Variants in FER observed in about 807,000 individuals in gnomAD.
FER encodes tyrosine-protein kinase Fer.
A neutral mutation model predicts 111.0 loss-of-function variants in FER; 63 were observed. The ratio of observed to expected loss-of-function variants is 0.57; its 90% CI spans 0.46 to 0.70. The LOEUF is 0.70. FER is among the 30% of genes least tolerant of loss of function. The probability of loss-of-function intolerance (pLI) is 0.00; values close to 1 mark genes in which losing one functional copy is unlikely to be tolerated. For synonymous variants in FER, 327 were observed against 313.9 expected (o/e 1.04, Z -0.44); for missense variants, 914 against 954.0 (o/e 0.96, Z 0.55).
chr5:109,075,780 G>A (rs534648457), intron 16 of FER, among the ~76,000 whole-genome samples: 31 of 152,076 alleles, frequency 2.0e-4, no homozygotes, highest in South Asian at 8.3e-4. Context: ...GAAATTAATC[G>A]TGGTTGGAAG....
chr5:109,182,242 AGATAAAGCTTTTGAATGT>A (rs1758363239), intron 18 of FER, among the ~76,000 whole-genome samples: 1 of 152,228 alleles, frequency 6.6e-6, no homozygotes, highest in East Asian at 1.9e-4. Flanking sequence ...AATGTTTTCC[AGATAAAGCTTTTGAATGT>A]AATTGGTTTG....
At chr5:109,129,079 A>G (rs952939539) in intron 17 of FER, among the ~76,000 whole-genome samples, 6 of 152,086 alleles carry the variant, frequency 3.9e-5, no homozygotes, top group Non-Finnish European at 8.8e-5. Flanking sequence ...GATATTTTAA[A>G]TCAGTGGATT....
At chr5:109,001,224 A>G (rs896568375) in intron 13 of FER, among the ~76,000 whole-genome samples, 1 of 152,242 alleles carries the variant, frequency 6.6e-6, no homozygotes, top group Admixed American at 6.5e-5. Context: ...ATTTGATGGG[A>G]AAATTCTCAA....
intron 2 of FER, among the ~76,000 whole-genome samples, chr5:108,797,584 C>T (rs998486180): frequency 6.6e-5 from 10 of 152,214 alleles, no homozygotes; most frequent in African/African-American, 9.6e-5. Flanking sequence ...ATACTCTGTG[C>T]ACCATGTGGC....
chr5:109,028,330 CAA>C (rs892441040), intron 13 of FER, among the ~76,000 whole-genome samples: 4 of 152,070 alleles, frequency 2.6e-5, no homozygotes, highest in African/African-American at 4.8e-5. Flanking sequence ...TAATTTCAAA[CAA>C]AGTATGTAAA....
At chr5:108,908,181 A>C (rs1030721071) in intron 10 of FER, among the ~76,000 whole-genome samples, 2 of 152,218 alleles carry the variant, frequency 1.3e-5, no homozygotes, top group South Asian at 4.1e-4. Flanking sequence ...GATGTAGCTT[A>C]ATGCGGATAT....
intron 10 of FER, among the ~76,000 whole-genome samples, chr5:108,941,149 C>T (rs2149610009): frequency 6.6e-6 from 1 of 152,228 alleles, no homozygotes; most frequent in East Asian, 1.9e-4. Context: ...CTCATCATGG[C>T]TCAGCTTTAT....
At chr5:108,771,692 C>T (rs1752918388) in intron 2 of FER, among the ~76,000 whole-genome samples, 1 of 152,200 alleles carries the variant, frequency 6.6e-6, no homozygotes, top group Admixed American at 6.5e-5. Context: ...CCTGGACTCA[C>T]TGTTAACATT....
chr5:108,831,193 T>C (rs1175047434), intron 3 of FER, among the ~76,000 whole-genome samples: 1 of 152,192 alleles, frequency 6.6e-6, no homozygotes, highest in African/African-American at 2.4e-5. Flanking sequence ...CAAAAAGTTA[T>C]TGCTACAAAG....
intron 13 of FER, among the ~76,000 whole-genome samples, chr5:109,008,733 C>T (rs1457628200): frequency 6.6e-6 from 1 of 152,298 alleles, no homozygotes; most frequent in African/African-American, 2.4e-5. Context: ...GTAATCCCAG[C>T]CTTTTGGGAG....
chr5:108,976,735 A>G (rs572375413), intron 13 of FER, among the ~76,000 whole-genome samples: 2 of 152,340 alleles, frequency 1.3e-5, no homozygotes, highest in East Asian at 3.9e-4. Context: ...AAGAGATACT[A>G]CATTTATAGT....
intron 5 of FER, among the ~76,000 whole-genome samples, chr5:108,848,429 A>T (rs1478445236): frequency 6.6e-6 from 1 of 152,022 alleles, no homozygotes; most frequent in East Asian, 1.9e-4. Context: ...TCTCTGGATT[A>T]ATTGAACATT....
chr5:108,815,769 T>C (rs1193046028), intron 3 of FER, among the ~76,000 whole-genome samples: 1 of 152,108 alleles, frequency 6.6e-6, no homozygotes, highest in Non-Finnish European at 1.5e-5. Context: ...TAATGAAAAA[T>C]GCTTTTTGAT....
chr5:109,004,301 C>T (rs535209038), intron 13 of FER, among the ~76,000 whole-genome samples: 12 of 152,286 alleles, frequency 7.9e-5, no homozygotes, highest in Non-Finnish European at 1.5e-4. Context: ...TCAGAGATAA[C>T]ATTTCCCTAA....
chr5:109,077,290 T>C (rs749970837), intron 16 of FER, among the ~76,000 whole-genome samples: 2 of 152,338 alleles, frequency 1.3e-5, no homozygotes, highest in South Asian at 2.1e-4. Context: ...AATGAAACTT[T>C]CTTAGATTTT....
chr5:109,070,151 C>CCT (rs1561855732), intron 16 of FER, among the ~76,000 whole-genome samples: 1 of 150,982 alleles, frequency 6.6e-6, no homozygotes, highest in African/African-American at 2.4e-5. Context: ...TTTTCATCTC[C>CCT]GCAACCATAT....
chr5:108,982,052 AGCGCAG>A (rs964559980), intron 13 of FER, among the ~76,000 whole-genome samples: 2 of 152,142 alleles, frequency 1.3e-5, no homozygotes, highest in Non-Finnish European at 2.9e-5. Context: ...AGGTTTTGAA[AGCGCAG>A]GCTCTGGACC....
intron 2 of FER, among the ~76,000 whole-genome samples, chr5:108,776,507 A>T (rs1753506774): frequency 6.6e-6 from 1 of 152,170 alleles, no homozygotes; most frequent in Non-Finnish European, 1.5e-5. Flanking sequence ...GTGGAGGCAA[A>T]AGTTGAAAAA....
intron 16 of FER, among the ~76,000 whole-genome samples, chr5:109,066,786 C>T (rs79146541): frequency 0.011 from 1,675 of 152,146 alleles, 32 homozygotes; most frequent in African/African-American, 0.037. Context: ...ATACAAAATA[C>T]GCTGGTGAAA....
Sources: allele counts gnomAD v4.1 joint callset (sites outside exome capture counted in the v4.1 genomes callset), GRCh38; gene constraint gnomAD v4.1.1; transcripts MANE v1.5; gene names NCBI Gene and HGNC (gene_info 2026-07-23, HGNC 2026-07-21).